The following C12orf42 variants were observed in gnomAD, a reference collection of about 807,000 sequenced individuals.
C12orf42 encodes the protein uncharacterized protein C12orf42.
A neutral mutation model predicts 21.6 loss-of-function variants in C12orf42; 25 were observed. That is an observed-to-expected ratio of 1.16 (90% CI 0.84 to 1.62). The LOEUF (loss-of-function observed/expected upper bound fraction) is 1.62, where lower values mean the gene tolerates loss of function less well. Among genes scored for constraint, C12orf42 ranks in the 40% most tolerant of loss-of-function variants. C12orf42 has a pLI of 0.00. For synonymous variants in C12orf42, 174 were observed against 175.0 expected, an observed-to-expected ratio of 0.99 and a Z score of 0.05; for missense variants, 483 against 459.3, an observed-to-expected ratio of 1.05 and a Z score of -0.47.
chr12:103,144,559 C>G, the C12orf42 span, among the ~76,000 whole-genome samples: 4 of 152,232 alleles, frequency 2.6e-5, no homozygotes, highest in African/African-American at 9.6e-5. Context: ...CTGGTATCAG[C>G]TTTCATCACT....
chr12:103,112,256 T>C, the C12orf42 span, among the ~76,000 whole-genome samples: 3 of 152,158 alleles, frequency 2.0e-5, no homozygotes, highest in African/African-American at 7.2e-5. Context: ...TTATGAGGCA[T>C]TTAGCTTAGG....
At chr12:103,054,364 A>G in the C12orf42 span, among the ~76,000 whole-genome samples, 1 of 151,780 alleles carries the variant, frequency 6.6e-6, no homozygotes, top group Non-Finnish European at 1.5e-5. Flanking sequence ...TTATATTTTT[A>G]ATTTTGGTTT....
the C12orf42 span, among the ~76,000 whole-genome samples, chr12:103,085,786 G>A: frequency 1.1e-4 from 16 of 152,028 alleles, no homozygotes; most frequent in Non-Finnish European, 2.2e-4. Context: ...CACCTGTTCA[G>A]GCCACTTTAG....
At chr12:103,482,135 A>C (rs905379326) in intron 1 of C12orf42, among the ~76,000 whole-genome samples, 4 of 152,108 alleles carry the variant, frequency 2.6e-5, no homozygotes, top group Admixed American at 2.0e-4. Context: ...ATTTATGCAC[A>C]TACTTATCAA....
the C12orf42 span, among the ~76,000 whole-genome samples, chr12:103,532,188 G>A: frequency 1.9e-3 from 294 of 152,158 alleles, no homozygotes; most frequent in Non-Finnish European, 3.3e-3. Context: ...TCTAACTCCT[G>A]GTGCTTCTCC....
chr12:103,260,600 A>T (rs540838657), intron 10 of C12orf42, among the ~76,000 whole-genome samples: 85 of 152,348 alleles, frequency 5.6e-4, no homozygotes, highest in African/African-American at 1.9e-3. Flanking sequence ...AAAATTATTA[A>T]CAACAAGAAT....
At chr12:103,061,323 G>A in the C12orf42 span, among the ~76,000 whole-genome samples, 1 of 152,148 alleles carries the variant, frequency 6.6e-6, no homozygotes, top group Non-Finnish European at 1.5e-5. Flanking sequence ...ACTAGGTTAG[G>A]ATGGGTATAG....
At chr12:103,419,288 G>C (rs758792179) in intron 2 of C12orf42, among the ~76,000 whole-genome samples, 11 of 152,120 alleles carry the variant, frequency 7.2e-5, no homozygotes, top group Admixed American at 1.3e-4. Context: ...AAGGCAATAA[G>C]GAGTCATCAT....
At chr12:103,545,820 C>G in the C12orf42 span, among the ~76,000 whole-genome samples, 1 of 152,182 alleles carries the variant, frequency 6.6e-6, no homozygotes, top group South Asian at 2.1e-4. Context: ...AGACCACTCA[C>G]AGTACCCACC....
Position 103,449,301 on chromosome 12 carries a change from G to T in C12orf42, c.78+29048C>A, listed in dbSNP as rs368648229. 7.3e-4 allele frequency among the ~76,000 whole-genome samples: 111 copies of T among 152,012 alleles called. 1 individual carries two copies. The highest frequency in any genetic ancestry group is 2.5e-3 in the African/African-American group (105 of 41,458). Reference sequence around the variant, plus strand: ...GGGAGCTAAGCTATCAGGACACAAAGGCATAAGAATGATACAATGGACTTT... The same window carrying T: ...GGGAGCTAAGCTATCAGGACACAAATGCATAAGAATGATACAATGGACTTT... On this transcript the variant is annotated intron_variant, in intron 2 of 5. Coordinates refer to ENST00000548883, the MANE Select transcript of C12orf42 (RefSeq NM_198521.5).
rs193164198 is a variant in C12orf42, at chr12:103,494,181, C to A, written c.-22+1721G>T. On this transcript the variant is annotated intron_variant, in intron 1 of 5. Transcript: ENST00000548883. ...CACAATAGCCTGGCCCTCTCGCCTCCCTTTGTCTTCTGCAATGCCTCTTTG... is the reference window on the plus strand; with the variant it reads ...CACAATAGCCTGGCCCTCTCGCCTCACTTTGTCTTCTGCAATGCCTCTTTG... 4.3e-3 allele frequency among the ~76,000 whole-genome samples: 654 copies of A among 152,326 alleles called. 5 individuals carry two copies. The highest frequency in any genetic ancestry group is 0.014 in the Middle Eastern group (4 of 294).
intron 2 of C12orf42, among the ~76,000 whole-genome samples, chr12:103,425,108 AG>A (rs1949697697): frequency 6.6e-6 from 1 of 152,208 alleles, no homozygotes; most frequent in Non-Finnish European, 1.5e-5. Flanking sequence ...AGCTCGGCAA[AG>A]CCACTGTAGC....
the C12orf42 span, among the ~76,000 whole-genome samples, chr12:103,142,586 G>C: frequency 6.6e-6 from 1 of 152,164 alleles, no homozygotes; most frequent in Non-Finnish European, 1.5e-5. Flanking sequence ...AGAGAGAAAA[G>C]AGAGTGACAG....
chr12:103,506,436 A>C, the C12orf42 span, among the ~76,000 whole-genome samples: 1 of 151,946 alleles, frequency 6.6e-6, no homozygotes, highest in East Asian at 1.9e-4. Context: ...ATCGGGTTGT[A>C]TATGCAATGA....
chr12:103,409,916 C>A (rs1474311332), intron 2 of C12orf42, among the ~76,000 whole-genome samples: 1 of 152,154 alleles, frequency 6.6e-6, no homozygotes, highest in Non-Finnish European at 1.5e-5. Flanking sequence ...TGAAACCAGG[C>A]AAAAGTTAAT....
intron 4 of C12orf42, among the ~76,000 whole-genome samples, chr12:103,327,271 G>C (rs979224658): frequency 6.6e-6 from 1 of 152,190 alleles, no homozygotes; most frequent in Non-Finnish European, 1.5e-5. Context: ...TCTTGGGTAA[G>C]AAGCCCCAAG....
chr12:103,281,380 T>C (rs2036106495), intron 4 of C12orf42, among the ~76,000 whole-genome samples: 1 of 152,176 alleles, frequency 6.6e-6, no homozygotes, highest in African/African-American at 2.4e-5. Context: ...TTGTTCTCTT[T>C]GAGATGGAGT....
At chr12:103,507,476 C>T in the C12orf42 span, among the ~76,000 whole-genome samples, 2 of 142,924 alleles carry the variant, frequency 1.4e-5, no homozygotes, top group East Asian at 2.1e-4. Flanking sequence ...TCAAGACCAG[C>T]CCGGGTAACA....
At chr12:103,106,083 T>C in the C12orf42 span, among the ~76,000 whole-genome samples, 13 of 152,322 alleles carry the variant, frequency 8.5e-5, no homozygotes, top group Admixed American at 6.5e-5. Context: ...AATGAAACTG[T>C]AGAGAAAACT....
Sources: allele counts gnomAD v4.1 joint callset (sites outside exome capture counted in the v4.1 genomes callset), GRCh38; gene constraint gnomAD v4.1.1; transcripts MANE v1.5; gene names NCBI Gene and HGNC (gene_info 2026-07-23, HGNC 2026-07-21).